Variants in MYO16 observed in about 807,000 individuals in gnomAD.
MYO16 encodes the protein unconventional myosin-XVI.
In MYO16, 94 loss-of-function variants were observed where a neutral mutation model predicts 205.3. That is an observed-to-expected ratio of 0.46 (90% CI 0.39 to 0.54). The LOEUF is 0.54. Ranked by LOEUF, MYO16 falls within the 20% of genes least tolerant of loss-of-function variation. The pLI is 0.00. For missense variants in MYO16, 2,315 were observed against 2,387.5 expected (o/e 0.97, Z 0.63); for synonymous variants, 988 against 954.0 (o/e 1.04, Z -0.66).
Position 108,855,553 on chromosome 13 carries a change from T to C in MYO16, c.1359T>C (p.Tyr453=), listed in dbSNP as rs1473193006. 2.6e-6 allele frequency: 4 copies of C among 1,548,488 alleles called. No homozygotes were observed. The highest frequency in any genetic ancestry group is 1.7e-4 in the Middle Eastern group (1 of 5,814). ...AGCGCTTTGGGAACAATCAGATCTATGTGAGTGCCCTGGAAATTGCCTTTT... is the reference window on the plus strand; with the variant it reads ...AGCGCTTTGGGAACAATCAGATCTACGTGAGTGCCCTGGAAATTGCCTTTT... ...IQKRFGNNQI[Y]TFIGDILLLV... The change falls in exon 11 of 35, where the codon TAT becomes TAC. Residue 453 remains tyrosine (Y), a splice_region_variant and synonymous_variant. Transcript: ENST00000457511.
the MYO16 span, among the ~76,000 whole-genome samples, chr13:108,525,782 T>G: frequency 2.0e-5 from 3 of 152,288 alleles, no homozygotes; most frequent in East Asian, 5.8e-4. Context: ...AACCCACACA[T>G]TTTGGATTTC....
At chr13:108,796,095 G>T (rs746106430) in intron 6 of MYO16, among the ~76,000 whole-genome samples, 1 of 152,134 alleles carries the variant, frequency 6.6e-6, no homozygotes, top group Non-Finnish European at 1.5e-5. Flanking sequence ...GAGAGGCGCT[G>T]GGACCAGATC....
At chr13:108,812,137 G>A (rs1307942873) in intron 7 of MYO16, among the ~76,000 whole-genome samples, 1 of 152,040 alleles carries the variant, frequency 6.6e-6, no homozygotes, top group East Asian at 1.9e-4. Context: ...ACCTTGCACG[G>A]CTACATTGAG....
At chr13:108,606,150 G>A (rs957646312) in intron 1 of MYO16, among the ~76,000 whole-genome samples, 1 of 152,192 alleles carries the variant, frequency 6.6e-6, no homozygotes, top group Admixed American at 6.5e-5. Context: ...GAGCATAAAA[G>A]TTTGGAAAAT....
chr13:108,940,991 A>ATATGTT (rs1414224180), intron 16 of MYO16, among the ~76,000 whole-genome samples: 2 of 152,220 alleles, frequency 1.3e-5, no homozygotes, highest in Non-Finnish European at 2.9e-5. Flanking sequence ...AAGCAGCAAA[A>ATATGTT]TATGTTAATT....
At chr13:108,561,368 A>AAC in the MYO16 span, among the ~76,000 whole-genome samples, 1 of 152,236 alleles carries the variant, frequency 6.6e-6, no homozygotes, top group Non-Finnish European at 1.5e-5. Flanking sequence ...TTCCAAGGGC[A>AAC]ACGTTTGCCA....
chr13:108,849,825 C>T (rs201981997), intron 10 of MYO16, among the ~76,000 whole-genome samples: 2 of 141,184 alleles, frequency 1.4e-5, no homozygotes, highest in African/African-American at 5.4e-5. Flanking sequence ...GTGTGTGTAA[C>T]TTATCCATAC....
intron 20 of MYO16, among the ~76,000 whole-genome samples, chr13:108,987,874 A>T (rs531170569): frequency 4.0e-4 from 61 of 152,352 alleles, no homozygotes; most frequent in Middle Eastern, 6.8e-3. Context: ...TAAGATAGGC[A>T]TTCTCTTTAA....
intron 3 of MYO16, among the ~76,000 whole-genome samples, chr13:108,715,712 A>C (rs1255959255): frequency 6.6e-6 from 1 of 152,174 alleles, no homozygotes; most frequent in African/African-American, 2.4e-5. Context: ...TGGACTGGAG[A>C]GGGATAAGCA....
chr13:109,197,677 T>A (rs921443883), intron 34 of MYO16, among the ~76,000 whole-genome samples: 1 of 152,104 alleles, frequency 6.6e-6, no homozygotes, highest in African/African-American at 2.4e-5. Flanking sequence ...AAGAAAAACA[T>A]CCCCTTGACC....
At chr13:108,946,696 A>G (rs1044654554) in intron 16 of MYO16, among the ~76,000 whole-genome samples, 1 of 152,196 alleles carries the variant, frequency 6.6e-6, no homozygotes, top group African/African-American at 2.4e-5. Flanking sequence ...CTCCAGAAAA[A>G]CAGAGCCAAT....
At chr13:108,826,682 A>C (rs1204966779) in intron 9 of MYO16, among the ~76,000 whole-genome samples, 5 of 152,310 alleles carry the variant, frequency 3.3e-5, no homozygotes, top group Non-Finnish European at 5.9e-5. Flanking sequence ...CAACTGAACA[A>C]TAAAAAGACA....
At chr13:108,606,381 C>G (rs186001150) in intron 1 of MYO16, among the ~76,000 whole-genome samples, 50 of 152,254 alleles carry the variant, frequency 3.3e-4, no homozygotes, top group Non-Finnish European at 6.6e-4. Flanking sequence ...TCAGGGCCCC[C>G]TTTCTCTGTG....
chr13:108,593,978 G>T (rs7337710), upstream of MYO16, among the ~76,000 whole-genome samples: 1 of 151,944 alleles, frequency 6.6e-6, no homozygotes, highest in Non-Finnish European at 1.5e-5. Context: ...CAAACCTCAA[G>T]TCTCAGACCA....
chr13:108,854,275 G>T (rs1411128029), intron 10 of MYO16, among the ~76,000 whole-genome samples: 1 of 152,098 alleles, frequency 6.6e-6, no homozygotes, highest in South Asian at 2.1e-4. Context: ...GATTACAGGT[G>T]TAAGCCACCA....
chr13:108,983,147 A>G (rs1334001302), intron 20 of MYO16, among the ~76,000 whole-genome samples: 3 of 152,212 alleles, frequency 2.0e-5, no homozygotes, highest in African/African-American at 7.2e-5. Context: ...GGTTTGAAGT[A>G]CAAAATAAAT....
intron 32 of MYO16, among the ~76,000 whole-genome samples, chr13:109,149,495 C>T (rs1043503960): frequency 3.3e-5 from 5 of 152,306 alleles, no homozygotes; most frequent in Non-Finnish European, 2.9e-5. Flanking sequence ...TTTCTCCAAA[C>T]CCTGGATTCT....
chr13:109,155,653 C>T (rs548608857), intron 32 of MYO16, among the ~76,000 whole-genome samples: 3 of 152,330 alleles, frequency 2.0e-5, no homozygotes, highest in East Asian at 1.9e-4. Flanking sequence ...TAGACTCAGA[C>T]GCCCTCTCTT....
chr13:109,058,266 C>A (rs561758931), intron 27 of MYO16, among the ~76,000 whole-genome samples: 1 of 152,166 alleles, frequency 6.6e-6, no homozygotes, highest in South Asian at 2.1e-4. Flanking sequence ...CCTTGGTGAT[C>A]AAAGCAAACT....
Sources: gnomAD v4.1 joint callset for allele counts (sites outside exome capture counted in the v4.1 genomes callset) on GRCh38, gnomAD v4.1.1 for gene constraint, MANE v1.5 for transcripts, NCBI Gene and HGNC (gene_info 2026-07-23, HGNC 2026-07-21) for gene names.